PCSK5: variants seen among roughly 807,000 people sequenced by gnomAD.
PCSK5 encodes the protein proprotein convertase subtilisin/kexin type 5.
PCSK5 carries 129 observed loss-of-function variants against 233.2 expected under a neutral mutation model. The observed-to-expected ratio is 0.55, with a 90% CI of 0.48 to 0.64. The LOEUF is 0.64. PCSK5 is among the 30% of genes least tolerant of loss of function. PCSK5 has a pLI of 0.00. For missense variants in PCSK5, 2,076 were observed against 2,430.1 expected, an observed-to-expected ratio of 0.85 and a Z score of 3.06; for synonymous variants, 825 against 879.2, an observed-to-expected ratio of 0.94 and a Z score of 1.09.
intron 2 of PCSK5, among the ~76,000 whole-genome samples, chr9:75,952,172 C>A (rs1824890505): frequency 6.6e-6 from 1 of 152,136 alleles, no homozygotes; most frequent in Non-Finnish European, 1.5e-5. Context: ...TCCACTTCCC[C>A]CTAAATACTT....
intron 7 of PCSK5, among the ~76,000 whole-genome samples, chr9:76,085,280 C>G (rs1170807972): frequency 6.6e-6 from 1 of 152,204 alleles, no homozygotes; most frequent in Non-Finnish European, 1.5e-5. Flanking sequence ...CCCCTGAACC[C>G]TGCTGTTTGT....
At chr9:75,909,771 A>G (rs1011929035) in intron 1 of PCSK5, among the ~76,000 whole-genome samples, 2 of 152,216 alleles carry the variant, frequency 1.3e-5, no homozygotes, top group African/African-American at 4.8e-5. Flanking sequence ...GGGAGTAAAT[A>G]AAGCCCGCAG....
At chr9:76,325,335 TATGTTTTCTTA>T (rs1829328650) in intron 32 of PCSK5, among the ~76,000 whole-genome samples, 1 of 152,032 alleles carries the variant, frequency 6.6e-6, no homozygotes, top group Admixed American at 6.5e-5. Context: ...GGTCTCAGAG[TATGTTTTCTTA>T]ATTTATCTGA....
At chr9:76,251,513 G>A (rs1181595158) in intron 24 of PCSK5, among the ~76,000 whole-genome samples, 4 of 142,700 alleles carry the variant, frequency 2.8e-5, no homozygotes, top group East Asian at 2.2e-4. Context: ...GCAGTGAGCC[G>A]AGATTGTGCC....
intron 12 of PCSK5, among the ~76,000 whole-genome samples, chr9:76,164,389 T>G (rs1823006353): frequency 6.6e-6 from 1 of 152,218 alleles, no homozygotes; most frequent in Non-Finnish European, 1.5e-5. Context: ...ATAGATGTAA[T>G]AGTATATACC....
At chr9:76,353,482 T>C (rs897216874) in intron 36 of PCSK5, among the ~76,000 whole-genome samples, 40 of 152,018 alleles carry the variant, frequency 2.6e-4, no homozygotes, top group African/African-American at 9.4e-4. Context: ...TGAAGGAAAG[T>C]GGAAATTGAT....
intron 9 of PCSK5, among the ~76,000 whole-genome samples, chr9:76,109,525 C>G (rs1233820936): frequency 6.7e-6 from 1 of 149,080 alleles, no homozygotes; most frequent in Non-Finnish European, 1.5e-5. Context: ...GATAAGGTCA[C>G]TTTGGACTGC....
At chr9:75,987,255 C>T (rs1289354393) in intron 3 of PCSK5, among the ~76,000 whole-genome samples, 4 of 152,146 alleles carry the variant, frequency 2.6e-5, no homozygotes, top group Non-Finnish European at 5.9e-5. Flanking sequence ...AGAACCCACA[C>T]CTGAGGCTGA....
At chr9:76,069,346 T>G (rs1385805511) in intron 6 of PCSK5, among the ~76,000 whole-genome samples, 2 of 152,002 alleles carry the variant, frequency 1.3e-5, no homozygotes, top group Admixed American at 6.6e-5. Flanking sequence ...CCCCAGGTTC[T>G]TATCAATACT....
intron 5 of PCSK5, among the ~76,000 whole-genome samples, chr9:76,035,864 T>G (rs900861272): frequency 6.6e-6 from 1 of 152,168 alleles, no homozygotes; most frequent in Non-Finnish European, 1.5e-5. Context: ...AATAGCAGTT[T>G]TTTTCTTTAT....
intron 1 of PCSK5, among the ~76,000 whole-genome samples, chr9:75,898,452 C>G (rs1416708428): frequency 6.6e-6 from 1 of 152,116 alleles, no homozygotes; most frequent in Non-Finnish European, 1.5e-5. Context: ...AAAAAGACTC[C>G]TGATCGTTGA....
At chr9:76,337,500 G>A (rs1829711222) in intron 34 of PCSK5, among the ~76,000 whole-genome samples, 1 of 151,918 alleles carries the variant, frequency 6.6e-6, no homozygotes, top group Admixed American at 6.6e-5. Context: ...TTGAGACGGA[G>A]TCTCACATTA....
intron 30 of PCSK5, among the ~76,000 whole-genome samples, chr9:76,318,947 A>T (rs997275504): frequency 1.3e-5 from 2 of 152,270 alleles, no homozygotes; most frequent in African/African-American, 2.4e-5. Flanking sequence ...AACTATACAC[A>T]AATTAACAAC....
At chr9:76,217,984 T>C (rs1825598977) in intron 20 of PCSK5, among the ~76,000 whole-genome samples, 1 of 152,146 alleles carries the variant, frequency 6.6e-6, no homozygotes, top group South Asian at 2.1e-4. Flanking sequence ...TGGGAAGGAC[T>C]GTACAATGTG....
chr9:75,975,196 C>G (rs1375811077), intron 2 of PCSK5, among the ~76,000 whole-genome samples: 1 of 151,920 alleles, frequency 6.6e-6, no homozygotes, highest in Admixed American at 6.5e-5. Context: ...CTGAGTTTTC[C>G]CACTGTGATC....
At chr9:76,049,542 T>C (rs1015138333) in intron 5 of PCSK5, among the ~76,000 whole-genome samples, 2 of 152,212 alleles carry the variant, frequency 1.3e-5, no homozygotes, top group Non-Finnish European at 2.9e-5. Flanking sequence ...TAGCACTGCT[T>C]ATCTCTACTT....
At chr9:76,192,000 AC>A (rs1824407430) in intron 20 of PCSK5, among the ~76,000 whole-genome samples, 1 of 144,636 alleles carries the variant, frequency 6.9e-6, no homozygotes, top group Admixed American at 7.3e-5. Context: ...AATCACTTGA[AC>A]CCTGGAGGTG....
intron 20 of PCSK5, chr9:76,193,413 G>GAAAA (rs3077117): frequency 0.9 from 883,552 of 979,870 alleles, 398,905 homozygotes; most frequent in East Asian, 0.95. Context: ...TTATTAAAAA[G>GAAAA]AAAAAAGCCA....
At chr9:75,943,217 A>G (rs1191156276) in intron 2 of PCSK5, among the ~76,000 whole-genome samples, 1 of 152,134 alleles carries the variant, frequency 6.6e-6, no homozygotes, top group African/African-American at 2.4e-5. Context: ...AGATTCTAAA[A>G]AGGTAGCTGT....
Sources: gnomAD v4.1 joint callset for allele counts (sites outside exome capture counted in the v4.1 genomes callset) on GRCh38, gnomAD v4.1.1 for gene constraint, MANE v1.5 for transcripts, NCBI Gene and HGNC (gene_info 2026-07-23, HGNC 2026-07-21) for gene names.